Variants in JPT2 observed in about 807,000 individuals in gnomAD.
The protein encoded by JPT2 is Jupiter microtubule associated homolog 2.
JPT2 carries 9 observed loss-of-function variants against 15.9 expected under a neutral mutation model. That is an observed-to-expected ratio of 0.57 (90% CI 0.34 to 0.99). The LOEUF (loss-of-function observed/expected upper bound fraction) is 0.99. JPT2 is among the 50% of genes least tolerant of loss of function. The probability of loss-of-function intolerance (pLI) is 0.02; values close to 1 mark genes in which losing one functional copy is unlikely to be tolerated. For missense variants in JPT2, 267 were observed against 252.1 expected, an observed-to-expected ratio of 1.06 and a Z score of -0.40; for synonymous variants, 95 against 91.7, an observed-to-expected ratio of 1.04 and a Z score of -0.21.
chr16:1,683,138 G>A (rs560200272), intron 1 of JPT2, among the ~76,000 whole-genome samples: 131 of 152,208 alleles, frequency 8.6e-4, no homozygotes, highest in African/African-American at 2.9e-3. Flanking sequence ...CACCACGCCC[G>A]GCTAATTTTT....
intron 3 of JPT2, among the ~76,000 whole-genome samples, chr16:1,695,981 C>T (rs2037138565): frequency 6.6e-6 from 1 of 152,178 alleles, no homozygotes; most frequent in African/African-American, 2.4e-5. Flanking sequence ...GTAATCCCAT[C>T]ACTTTGGGAG....
chr16:1,687,277 G>A (rs1304949733), intron 2 of JPT2, among the ~76,000 whole-genome samples: 3 of 152,132 alleles, frequency 2.0e-5, no homozygotes, highest in Non-Finnish European at 2.9e-5. Flanking sequence ...ATGCACCCTT[G>A]TGCCCGGCCG....
intron 2 of JPT2, chr16:1,690,663 C>T (rs1339986942): frequency 6.6e-6 from 1 of 152,232 alleles, no homozygotes; most frequent in Non-Finnish European, 1.5e-5. Flanking sequence ...TGTTTCTTCA[C>T]ACGTGTAGGC....
intron 1 of JPT2, among the ~76,000 whole-genome samples, chr16:1,682,259 C>T (rs1265087392): frequency 6.6e-6 from 1 of 151,868 alleles, no homozygotes; most frequent in African/African-American, 2.4e-5. Context: ...CACCTGTAAT[C>T]CCAGCTACTC....
chr16:1,681,134 CT>C (rs1446067761), intron 1 of JPT2, among the ~76,000 whole-genome samples: 5 of 152,338 alleles, frequency 3.3e-5, no homozygotes, highest in East Asian at 3.9e-4. Context: ...CCCCCTCCCC[CT>C]ATTAGTGTCA....
intron 1 of JPT2, among the ~76,000 whole-genome samples, chr16:1,678,857 G>A (rs1814245787): frequency 6.6e-6 from 1 of 152,234 alleles, no homozygotes. Context: ...CCGTGTGCCC[G>A]TGTCCCTGGT....
At position 1,698,568 on chromosome 16, in the gene JPT2, G is replaced by C. The variant is rs1046965348; in HGVS notation, c.386-243G>C. Among the ~76,000 whole-genome samples, 9 of 152,208 alleles carry C rather than the reference G, an allele frequency of 5.9e-5. No homozygotes were observed. The highest frequency in any genetic ancestry group is 2.2e-4 in the African/African-American group (9 of 41,456). ...TATAAAGAAACAATTCACTTAGGAA[G>C]AAATCAAGGAGTATTTACAGTAGCA... On this transcript the variant is annotated intron_variant, in intron 4 of 4. Transcript: ENST00000248098. This position sits in a 1 kb window ranked among gnomAD's most constrained non-coding sequence, Gnocchi z 4.9.
At chr16:1,682,994 T>C (rs569393252) in intron 1 of JPT2, among the ~76,000 whole-genome samples, 1 of 152,256 alleles carries the variant, frequency 6.6e-6, no homozygotes, top group East Asian at 1.9e-4. Flanking sequence ...GTTTGTTTTT[T>C]TGAGACGGAA....
chr16:1,695,522 T>C (rs1234736969), intron 3 of JPT2, among the ~76,000 whole-genome samples: 3 of 151,472 alleles, frequency 2.0e-5, no homozygotes, highest in African/African-American at 7.3e-5. Flanking sequence ...CAGAGAGCAG[T>C]GATTTTGCCA....
chr16:1,689,581 C>G (rs571124298), intron 2 of JPT2: 1 of 152,304 alleles, frequency 6.6e-6, no homozygotes, highest in African/African-American at 2.4e-5. Flanking sequence ...CTCACCTCAA[C>G]CTTCTGAGGA....
Position 1,699,430 on chromosome 16 carries a change from AC to A in JPT2, c.*434del. ...AACAGTATATTGACCTCTTAGCAGAACCGCTTCCATTCTGGAGATCACGGCT... is the reference window on the plus strand; with the variant it reads ...AACAGTATATTGACCTCTTAGCAGAACGCTTCCATTCTGGAGATCACGGCT... On this transcript the variant is annotated 3_prime_UTR_variant, in exon 5 of 5. Coordinates refer to ENST00000248098, the MANE Select transcript of JPT2 (RefSeq NM_144570.3). 5.4e-6 allele frequency: 2 copies of A among 367,952 alleles called. No individual in the cohort carries two copies. The highest frequency in any genetic ancestry group is 4.0e-5 in the South Asian group (2 of 49,970). The allele number at this position is 367,952 out of a possible 1,614,324, so 22.8% of individuals were successfully genotyped here.
At chr16:1,679,182 G>T (rs2037000272) in intron 1 of JPT2, among the ~76,000 whole-genome samples, 1 of 152,234 alleles carries the variant, frequency 6.6e-6, no homozygotes, top group Non-Finnish European at 1.5e-5. Context: ...CAGTAAACTT[G>T]CATTGTGAAG....
Position 1,698,431 on chromosome 16 carries a change from G to A in JPT2, c.386-380G>A, listed in dbSNP as rs1369433677. On this transcript the variant is annotated intron_variant, in intron 4 of 4. Coordinates refer to ENST00000248098, the MANE Select transcript of JPT2 (RefSeq NM_144570.3). The surrounding 1 kb of genome is among the most constrained non-coding windows in gnomAD (Gnocchi z 4.9). ...GGTAACAGCAACAGAGCCTGCCTTT[G>A]CCTTGCTAAGCCCTCACCTAGGATG... Among the ~76,000 whole-genome samples the A allele has an allele frequency of 6.6e-6, 1 of 152,180 alleles. No homozygotes were observed. Among genetic ancestry groups the A allele is most frequent in the Non-Finnish European group, 1.5e-5 (1 of 68,038 alleles).
intron 1 of JPT2, among the ~76,000 whole-genome samples, chr16:1,684,494 A>G (rs1047673906): frequency 7.2e-5 from 11 of 152,140 alleles, no homozygotes; most frequent in African/African-American, 2.7e-4. Flanking sequence ...TAATCCCAGC[A>G]CTTTGGGAGG....
intron 1 of JPT2, chr16:1,683,511 A>C: frequency 6.5e-7 from 1 of 1,533,612 alleles, no homozygotes; most frequent in African/African-American, 1.4e-5. Flanking sequence ...TCCTCCAGGA[A>C]ATGGCAACTG....
chr16:1,696,358 C>T lies in JPT2; in HGVS notation c.337-1454C>T, dbSNP rs186969093. ...CCATCCTGGCTAACATGGTGAAACC[C>T]CGTCTCTACTAAAAATACAAAAAAA... On this transcript the variant is annotated intron_variant, in intron 3 of 4. Transcript: ENST00000248098. Among the ~76,000 whole-genome samples the T allele has an allele frequency of 1.1e-3, 174 of 152,076 alleles. No homozygotes were observed. In the Middle Eastern group the frequency reaches 0.017, roughly 15 times the overall value.
intron 3 of JPT2, 169 bp downstream of exon 3, chr16:1,692,154 C>T: frequency 2.3e-6 from 2 of 853,434 alleles, no homozygotes; most frequent in South Asian, 3.5e-5. Flanking sequence ...CCCTGAGTCA[C>T]CCAGGAAACA....
Position 1,699,242 on chromosome 16 carries a change from T to A in JPT2, c.*244T>A. On this transcript the variant is annotated 3_prime_UTR_variant, in exon 5 of 5. Coordinates refer to ENST00000248098, the MANE Select transcript of JPT2 (RefSeq NM_144570.3). Reference sequence around the variant, plus strand: ...GGCCATCACTCATGTGTAGTCCAGGTTTGAGAGGAACTGGAAGGGGGGTGA... The same window carrying A: ...GGCCATCACTCATGTGTAGTCCAGGATTGAGAGGAACTGGAAGGGGGGTGA... 1.6e-6 allele frequency: 1 copy of A among 643,880 alleles called. No individual in the cohort carries two copies. The highest frequency in any genetic ancestry group is 2.9e-6 in the Non-Finnish European group (1 of 348,176). 39.9% of individuals were successfully genotyped at this position (643,880 alleles called of 1,614,324 possible).
Position 1,683,407 on chromosome 16 carries a change from G to T in JPT2, c.45-2032G>T, listed in dbSNP as rs573990113. ...ATTACAGGTGCCAGGTACTGCTCCC[G>T]GACAGCCCTTTCTCATTTAAGCTTG... On this transcript the variant is annotated intron_variant, in intron 1 of 4. Transcript: ENST00000248098. 44 of 739,896 alleles carry T rather than the reference G, an allele frequency of 5.9e-5. No individual in the cohort carries two copies. The African/African-American group carries it at 7.4e-4, about 12-fold the overall frequency. 45.8% of individuals were successfully genotyped at this position (739,896 alleles called of 1,614,324 possible).
Sources: gnomAD v4.1 joint callset for allele counts (sites outside exome capture counted in the v4.1 genomes callset) on GRCh38, gnomAD v4.1.1 for gene constraint, Gnocchi (gnomAD v3.1) non-coding constraint, MANE v1.5 for transcripts, NCBI Gene and HGNC (gene_info 2026-07-23, HGNC 2026-07-21) for gene names.